The following NYAP2 variants were observed in gnomAD, a reference collection of about 807,000 sequenced individuals.
The protein encoded by NYAP2 is neuronal tyrosine-phosphorylated phosphoinositide-3-kinase adaptor 2, also known as neuronal tyrosine-phosphorylated phosphoinositide-3-kinase adapter 2.
A neutral mutation model predicts 50.4 loss-of-function variants in NYAP2; 23 were observed. The ratio of observed to expected loss-of-function variants is 0.46; its 90% CI spans 0.33 to 0.65. The LOEUF (loss-of-function observed/expected upper bound fraction) is 0.65. NYAP2 is among the 30% of genes least tolerant of loss of function. The pLI, the probability that NYAP2 is intolerant of heterozygous loss-of-function variation, is 0.02. For synonymous variants in NYAP2, 394 were observed against 365.2 expected (o/e 1.08, Z -0.90); for missense variants, 885 against 861.0 (o/e 1.03, Z -0.35).
chr2:225,489,581 G>C (rs1403407493), intron 3 of NYAP2, among the ~76,000 whole-genome samples: 1 of 152,100 alleles, frequency 6.6e-6, no homozygotes, highest in African/African-American at 2.4e-5. Context: ...CTTACTAAAA[G>C]TCTAATAATT....
At chr2:225,512,737 CT>C (rs1690843363) in intron 3 of NYAP2, among the ~76,000 whole-genome samples, 1 of 142,882 alleles carries the variant, frequency 7.0e-6, no homozygotes, top group Non-Finnish European at 1.5e-5. Context: ...CTCTTCCTTC[CT>C]TTTTTCGTTT....
chr2:225,671,420 A>T, the NYAP2 span, among the ~76,000 whole-genome samples: 3 of 152,122 alleles, frequency 2.0e-5, no homozygotes, highest in Non-Finnish European at 4.4e-5. Context: ...CATGTGTTCA[A>T]GTTTTATCAT....
intron 3 of NYAP2, among the ~76,000 whole-genome samples, chr2:225,422,634 C>T (rs887565405): frequency 1.3e-5 from 2 of 151,982 alleles, no homozygotes; most frequent in African/African-American, 2.4e-5. Context: ...AACTACACAC[C>T]ATTACCAACA....
rs1170440343 is a variant in NYAP2, at chr2:225,408,856, C to T, written c.-17-8C>T. On this transcript the variant is annotated splice_polypyrimidine_tract_variant and splice_region_variant and intron_variant, in intron 2 of 6. Transcript: ENST00000636099. Reference sequence around the variant, plus strand: ...TGGATAAAAGTAAAATGTGTTCTCACCCTGCAGGCAGTGTTCCTCTTTACA... The same window carrying T: ...TGGATAAAAGTAAAATGTGTTCTCATCCTGCAGGCAGTGTTCCTCTTTACA... The T allele has an allele frequency of 6.7e-7, 1 of 1,499,444 alleles. No homozygotes were observed. The highest frequency in any genetic ancestry group is 1.7e-5 in the Admixed American group (1 of 58,798). 92.9% of individuals were successfully genotyped at this position (1,499,444 alleles called of 1,614,324 possible). A position where few individuals can be genotyped will look rare whatever the true frequency, so the allele number is the denominator to read the frequency against.
intron 3 of NYAP2, among the ~76,000 whole-genome samples, chr2:225,418,915 TCTC>T (rs1339469935): frequency 1.3e-5 from 2 of 152,198 alleles, no homozygotes; most frequent in Non-Finnish European, 2.9e-5. Flanking sequence ...TGAGATCTAT[TCTC>T]CTAACAAATT....
intron 5 of NYAP2, among the ~76,000 whole-genome samples, chr2:225,595,488 A>G (rs1181882119): frequency 6.6e-6 from 1 of 152,244 alleles, no homozygotes; most frequent in Non-Finnish European, 1.5e-5. Flanking sequence ...AACAACTTTC[A>G]TTCTTTTGAC....
At chr2:225,419,949 T>TA (rs1221536016) in intron 3 of NYAP2, among the ~76,000 whole-genome samples, 1 of 152,228 alleles carries the variant, frequency 6.6e-6, no homozygotes, top group African/African-American at 2.4e-5. Context: ...AATGTACACA[T>TA]ATTTTGTTCT....
intron 3 of NYAP2, among the ~76,000 whole-genome samples, chr2:225,487,134 G>A (rs1373132641): frequency 3.3e-5 from 5 of 152,218 alleles, no homozygotes; most frequent in Non-Finnish European, 5.9e-5. Flanking sequence ...TCATTGGGAA[G>A]GAGAATATTG....
chr2:225,658,102 A>G (rs1693857349), downstream of NYAP2, among the ~76,000 whole-genome samples: 1 of 152,194 alleles, frequency 6.6e-6, no homozygotes, highest in Non-Finnish European at 1.5e-5. Flanking sequence ...TGATTACACC[A>G]CATGATGGAA....
intron 3 of NYAP2, among the ~76,000 whole-genome samples, chr2:225,412,765 G>A (rs1198241142): frequency 6.6e-6 from 1 of 152,176 alleles, no homozygotes; most frequent in Non-Finnish European, 1.5e-5. Flanking sequence ...TCTAGGATAA[G>A]TTCTAGTCGG....
Position 225,582,577 on chromosome 2 carries a change from TC to T in NYAP2, c.1164del (p.Gly389AlafsTer58). On this transcript the variant is annotated frameshift_variant, in exon 5 of 7. Transcript: ENST00000636099. LOFTEE classifies it high-confidence loss of function. This position sits in a 1 kb window ranked among gnomAD's most constrained non-coding sequence, Gnocchi z 7.0. ...TCGCCCTCCACGCTGCCGTCCCACG[TC>T]CCCGGCCATGCGAAACTGGAGAAAG... The T allele has an allele frequency of 6.3e-7, 1 of 1,596,236 alleles. No homozygotes were observed. Among genetic ancestry groups the T allele is most frequent in the Non-Finnish European group, 8.5e-7 (1 of 1,171,958 alleles).
At chr2:225,609,920 A>T (rs1559229068) in intron 5 of NYAP2, among the ~76,000 whole-genome samples, 1 of 152,164 alleles carries the variant, frequency 6.6e-6, no homozygotes, top group African/African-American at 2.4e-5. Flanking sequence ...TTAAATTCAG[A>T]TAAATTGGGA....
At chr2:225,656,170 ATTCCAAAGT>A (rs1163717517), downstream of NYAP2, among the ~76,000 whole-genome samples, 2 of 152,226 alleles carry the variant, frequency 1.3e-5, no homozygotes, top group East Asian at 3.9e-4. Context: ...TTGGACACAC[ATTCCAAAGT>A]TTGACAGACC....
chr2:225,566,139 C>T (rs193275491), intron 4 of NYAP2, among the ~76,000 whole-genome samples: 415 of 152,202 alleles, frequency 2.7e-3, no homozygotes, highest in Non-Finnish European at 4.6e-3. Context: ...ATAATCCCCC[C>T]AAAGCGCATT....
intron 3 of NYAP2, among the ~76,000 whole-genome samples, chr2:225,435,859 A>T (rs562203321): frequency 9.2e-5 from 14 of 152,338 alleles, no homozygotes; most frequent in African/African-American, 3.4e-4. Context: ...GGAAACAGAC[A>T]AATCTGGATT....
At chr2:225,612,534 G>A (rs897943464) in intron 5 of NYAP2, among the ~76,000 whole-genome samples, 1 of 152,076 alleles carries the variant, frequency 6.6e-6, no homozygotes, top group Non-Finnish European at 1.5e-5. Context: ...ATACCATTGA[G>A]TGGGTGGTTT....
chr2:225,616,120 C>T (rs1373755096), intron 5 of NYAP2, among the ~76,000 whole-genome samples: 2 of 152,144 alleles, frequency 1.3e-5, no homozygotes, highest in Non-Finnish European at 2.9e-5. Flanking sequence ...GTGTGTAAAA[C>T]ATCATTTTAT....
chr2:225,473,592 C>A (rs1317788663), intron 3 of NYAP2, among the ~76,000 whole-genome samples: 2 of 152,212 alleles, frequency 1.3e-5, no homozygotes, highest in Non-Finnish European at 2.9e-5. Flanking sequence ...TGTCTGTTGC[C>A]TGCATAAATG....
the NYAP2 span, among the ~76,000 whole-genome samples, chr2:225,678,707 T>C: frequency 6.6e-6 from 1 of 152,152 alleles, no homozygotes; most frequent in South Asian, 2.1e-4. Context: ...AGGTATCAGA[T>C]ACAAGGTTGA....
Sources: gnomAD v4.1 joint callset for allele counts (sites outside exome capture counted in the v4.1 genomes callset) on GRCh38, gnomAD v4.1.1 for gene constraint, Gnocchi (gnomAD v3.1) non-coding constraint, MANE v1.5 for transcripts, NCBI Gene and HGNC (gene_info 2026-07-23, HGNC 2026-07-21) for gene names.